INTS1: variants seen among roughly 807,000 people sequenced by gnomAD.
INTS1 encodes the protein integrator complex subunit 1.
INTS1 carries 137 observed loss-of-function variants against 241.6 expected under a neutral mutation model. The ratio of observed to expected loss-of-function variants is 0.57; its 90% CI spans 0.49 to 0.65. The LOEUF (loss-of-function observed/expected upper bound fraction) is 0.65. Among genes scored for constraint, INTS1 ranks in the 30% least tolerant of loss-of-function variants. The pLI, the probability that INTS1 is intolerant of heterozygous loss-of-function variation, is 0.00. For synonymous variants in INTS1, 1,692 were observed against 1,337.8 expected (o/e 1.26, Z -5.78); for missense variants, 3,073 against 3,032.2 (o/e 1.01, Z -0.32).
chr7:1,482,236 TTCTCCTCCTCC>T, intron 27 of INTS1: 1 of 256,194 alleles, frequency 3.9e-6, no homozygotes, highest in Non-Finnish European at 7.4e-6. Flanking sequence ...GCCCCACCAC[TTCTCCTCCTCC>T]TCTCCAACCC....
intron 39 of INTS1, 122 bp downstream of exon 39, chr7:1,475,826 G>C: frequency 7.9e-6 from 10 of 1,264,894 alleles, no homozygotes; most frequent in Non-Finnish European, 1.1e-5. Flanking sequence ...GGGCGGCGCG[G>C]ACTGGGAAGG....
rs1305249090 is a variant in INTS1, at chr7:1,480,438, C to T, written c.3953G>A (p.Ser1318Asn). The change falls in exon 30 of 48, where the codon AGC becomes AAC. Residue 1318 changes from serine to asparagine, a missense_variant. Transcript: ENST00000404767. ...GCTCTTTGGTTTGGGTGCCTCTGTG[C>T]TGTCTGCAGAGACAGGAGAACTGTC... ...LTASLPPRRDSTEAPKPKSSP... is the reference protein window; with the variant it reads ...LTASLPPRRDNTEAPKPKSSP... 6.2e-7 allele frequency: 1 copy of T among 1,612,706 alleles called. No homozygotes were observed. Among genetic ancestry groups the T allele is most frequent in the Non-Finnish European group, 8.5e-7 (1 of 1,179,364 alleles).
chr7:1,494,727 C>T lies in INTS1; in HGVS notation c.1910+89G>A, dbSNP rs538149164. The T allele has an allele frequency of 5.9e-5, 77 of 1,308,748 alleles. No homozygotes were observed. In the African/African-American group the frequency reaches 1.1e-3, roughly 19 times the overall value. 81.1% of individuals were successfully genotyped at this position (1,308,748 alleles called of 1,614,324 possible). On this transcript the variant is annotated intron_variant, in intron 14 of 47. Coordinates refer to ENST00000404767, the MANE Select transcript of INTS1 (RefSeq NM_001080453.3). ...TGACCATGGGAACAGCCGCCCAACTCCCACTGGCCCTTCCTGCCGCAGCCG... is the reference window on the plus strand; with the variant it reads ...TGACCATGGGAACAGCCGCCCAACTTCCACTGGCCCTTCCTGCCGCAGCCG...
chr7:1,477,993 A>C, intron 33 of INTS1, 57 bp from the exon 34 acceptor site: 1 of 1,472,618 alleles, frequency 6.8e-7, no homozygotes, highest in Middle Eastern at 1.8e-4. Flanking sequence ...GGGGCCGCTG[A>C]GTGGGTGTGG....
At chr7:1,500,064 C>T (rs766339741) in intron 4 of INTS1, 43 bp from the exon 5 acceptor site, 3 of 1,604,558 alleles carry the variant, frequency 1.9e-6, no homozygotes, top group Non-Finnish European at 2.6e-6. Context: ...TCGCTGGCCC[C>T]AGAGGCAAAG....
In INTS1 at chr7:1,486,619, C is replaced by T; in HGVS notation, c.2976+6G>A. 6.2e-7 allele frequency: 1 copy of T among 1,610,708 alleles called. No individual in the cohort carries two copies. The highest frequency in any genetic ancestry group is 8.5e-7 in the Non-Finnish European group (1 of 1,179,062). On this transcript the variant is annotated splice_donor_region_variant and intron_variant, in intron 22 of 47. Coordinates refer to ENST00000404767, the MANE Select transcript of INTS1 (RefSeq NM_001080453.3). ...CGTGCGCAGAAAGACCCGCCCACCA[C>T]CTCACCTTCATGGCCAGCACGCGGG...
Position 1,479,514 on chromosome 7 carries a change from G to A in INTS1, c.4245C>T (p.Ser1415=). The A allele has an allele frequency of 6.4e-7, 1 of 1,569,616 alleles. No homozygotes were observed. Among genetic ancestry groups the A allele is most frequent in the South Asian group, 1.2e-5 (1 of 85,322 alleles). The part of the protein sequence containing the change: ...VLQALATLLS[S]PHGGALVMSM... ...ACATCACCAGGGCACCGCCGTGTGGGGAGCTGAGCAGGGTGGCGAGGGCCT... is the reference window on the plus strand; with the variant it reads ...ACATCACCAGGGCACCGCCGTGTGGAGAGCTGAGCAGGGTGGCGAGGGCCT... The change falls in exon 31 of 48, where the codon TCC becomes TCT. Residue 1415 remains serine, a synonymous_variant. Transcript: ENST00000404767.
intron 22 of INTS1, among the ~76,000 whole-genome samples, chr7:1,486,228 C>T (rs868838249): frequency 6.6e-6 from 1 of 151,220 alleles, no homozygotes; most frequent in African/African-American, 2.4e-5. Context: ...AAGCCACTGC[C>T]CCAGGCCTAC....
At chr7:1,474,655 C>T in intron 40 of INTS1, 50 bp downstream of exon 40, 1 of 1,519,022 alleles carries the variant, frequency 6.6e-7, no homozygotes. Context: ...AGCCGCAGAC[C>T]CCCCTGGTTA....
intron 24 of INTS1, among the ~76,000 whole-genome samples, chr7:1,484,521 G>T (rs142050595): frequency 6.6e-6 from 1 of 152,226 alleles, no homozygotes; most frequent in Non-Finnish European, 1.5e-5. Flanking sequence ...CAAGAGAACC[G>T]TGATGCAAAG....
rs1783262222 is a variant in INTS1 at position 1,502,906 on chromosome 7, A to G, written c.344T>C (p.Ile115Thr). ...PSIKEPSVVPIEVLPTVLLDE... is the reference protein window; with the variant it reads ...PSIKEPSVVPTEVLPTVLLDE... Reference sequence around the variant, plus strand: ...GATGTCCACAGACTCATTACCTTCAATTGGCACCACAGATGGCTCTTTAAT... The same window carrying G: ...GATGTCCACAGACTCATTACCTTCAGTTGGCACCACAGATGGCTCTTTAAT... The change falls in exon 3 of 48, where the codon ATT (isoleucine) becomes ACT (threonine). Residue 115 changes from isoleucine (I) to threonine (T), a missense_variant. Physicochemically the swap from Ile to Thr is moderately conservative, Grantham distance 89. Coordinates refer to ENST00000404767, the MANE Select transcript of INTS1 (RefSeq NM_001080453.3). The G allele has an allele frequency of 3.7e-6, 6 of 1,613,684 alleles. No homozygotes were observed. The highest frequency in any genetic ancestry group is 5.1e-6 in the Non-Finnish European group (6 of 1,179,826).
intron 31 of INTS1, 82 bp from the exon 32 acceptor site, chr7:1,478,967 G>A: frequency 6.2e-6 from 9 of 1,453,870 alleles, no homozygotes; most frequent in Non-Finnish European, 8.3e-6. Context: ...CAGGGCCCGT[G>A]AGGCTGCTGA....
chr7:1,478,938 C>T (rs1040594384), intron 31 of INTS1, 53 bp from the exon 32 acceptor site: 60 of 1,545,896 alleles, frequency 3.9e-5, no homozygotes, highest in Non-Finnish European at 4.6e-5. Context: ...CACGGGGACC[C>T]GGCACCCGAG....
In INTS1 at chr7:1,480,851, G is replaced by A. The variant is rs769179670; in HGVS notation, c.3933C>T (p.Ser1311=). The A allele has an allele frequency of 1.9e-6, 3 of 1,553,224 alleles. No homozygotes were observed. The highest frequency in any genetic ancestry group is 1.9e-5 in the Admixed American group (1 of 51,458). ...GQTFHSLLTA[S]LPPRRDSTEA... ...CCCCAGTACCTCGGCGGGGCGGCAG[G>A]GAGGCTGTGAGCAAGGAGTGGAAAG... The change falls in exon 29 of 48, where the codon TCC becomes TCT. Residue 1311 remains serine (S), a synonymous_variant. Coordinates refer to ENST00000404767, the MANE Select transcript of INTS1 (RefSeq NM_001080453.3).
intron 8 of INTS1, 34 bp downstream of exon 8, chr7:1,498,941 C>CCCCCCCCCCCCCCCCCCCCCCG (rs1583161094): frequency 3.7e-6 from 5 of 1,344,070 alleles, no homozygotes; most frequent in Non-Finnish European, 5.1e-6. Context: ...CCCCCACCCC[C>CCCCCCCCCCCCCCCCCCCCCCG]TGCCCCGCCC....
In INTS1 at chr7:1,476,087, CA is replaced by C. The variant is rs1781703194; in HGVS notation, c.5379-17del. The C allele has an allele frequency of 6.5e-7, 1 of 1,534,052 alleles. No homozygotes were observed. The highest frequency in any genetic ancestry group is 2.0e-5 in the Admixed American group (1 of 50,800). On this transcript the variant is annotated splice_polypyrimidine_tract_variant and intron_variant, in intron 38 of 47. Transcript: ENST00000404767. ...GCCCAGCACGCTGGAAGAGGTGGAG[CA>C]GGGCTCACCAGGCGGACGGGGCCCC... is the stretch of plus-strand genomic sequence containing the variant.
At chr7:1,482,800 C>G (rs1394253708) in intron 26 of INTS1, 93 bp from the exon 27 acceptor site, 5 of 1,467,390 alleles carry the variant, frequency 3.4e-6, no homozygotes, top group Admixed American at 4.2e-5. Context: ...CCTCCTCTCC[C>G]GAGAAGGAAA....
chr7:1,494,752 GGCCCGGCACCCCGCAGCCCCGCCCA>G (rs1782761600), intron 14 of INTS1, 39 bp downstream of exon 14: 6 of 1,505,972 alleles, frequency 4.0e-6, no homozygotes, highest in African/African-American at 1.4e-5. Context: ...TGCCGCAGCC[GGCCCGGCACCCCGCAGCCCCGCCCA>G]GCCCGGCACA....
chr7:1,478,604 C>T (rs1562491378), intron 32 of INTS1, 98 bp from the exon 33 acceptor site: 8 of 1,504,984 alleles, frequency 5.3e-6, no homozygotes, highest in Non-Finnish European at 7.1e-6. Flanking sequence ...TCCCCTGGGC[C>T]CACGCGGGTA....
Sources: gnomAD v4.1 joint callset for allele counts (sites outside exome capture counted in the v4.1 genomes callset) on GRCh38, gnomAD v4.1.1 for gene constraint, MANE v1.5 for transcripts, NCBI Gene and HGNC (gene_info 2026-07-23, HGNC 2026-07-21) for gene names.